The following BICC1 variants were observed in gnomAD, a reference collection of about 807,000 sequenced individuals.
BICC1 encodes protein bicaudal C homolog 1.
Under a neutral mutation model 111.0 loss-of-function variants are expected in BICC1, and 43 were observed. The observed-to-expected ratio is 0.39, with a 90% CI of 0.30 to 0.50. BICC1 has a LOEUF of 0.50. Among genes scored for constraint, BICC1 ranks in the 20% least tolerant of loss-of-function variants. The probability of loss-of-function intolerance (pLI) is 0.88; values close to 1 mark genes in which losing one functional copy is unlikely to be tolerated. For missense variants in BICC1, 1,091 were observed against 1,203.2 expected, an observed-to-expected ratio of 0.91 and a Z score of 1.38; for synonymous variants, 467 against 434.4, an observed-to-expected ratio of 1.07 and a Z score of -0.93.
chr10:58,636,097 G>C (rs911866011), intron 2 of BICC1, among the ~76,000 whole-genome samples: 5 of 152,176 alleles, frequency 3.3e-5, no homozygotes, highest in African/African-American at 1.2e-4. Context: ...CTAACACATT[G>C]TTCTGTGTAT....
rs3076358 is a variant in BICC1 at position 58,728,704 on chromosome 10, AAAT to A, written c.307+26578_307+26580del. Among the ~76,000 whole-genome samples, 6 of 150,340 alleles carry A rather than the reference AAAT, an allele frequency of 4.0e-5. 1 individual carries two copies. Among genetic ancestry groups the A allele is most frequent in the East Asian group, 2.0e-4 (1 of 5,110 alleles). ...TATAGTCTTACAAAATGTATTTCTTAAATAATAATAATAATAATACTTGAAAGT... is the reference window on the plus strand; with the variant it reads ...TATAGTCTTACAAAATGTATTTCTTAAATAATAATAATAATACTTGAAAGT... On this transcript the variant is annotated intron_variant, in intron 3 of 20. Coordinates refer to ENST00000373886, the MANE Select transcript of BICC1 (RefSeq NM_001080512.3).
chr10:58,519,739 C>A (rs1276179245), intron 1 of BICC1, among the ~76,000 whole-genome samples: 4 of 152,102 alleles, frequency 2.6e-5, no homozygotes, highest in East Asian at 1.9e-4. Context: ...CAACTCTGAT[C>A]ATCTAAAGCT....
At chr10:58,763,976 A>C (rs1041647038) in intron 3 of BICC1, among the ~76,000 whole-genome samples, 4 of 152,124 alleles carry the variant, frequency 2.6e-5, no homozygotes, top group African/African-American at 9.7e-5. Context: ...AAGGAATATC[A>C]AATGAAGACT....
At chr10:58,571,385 AC>A (rs1208007920) in intron 1 of BICC1, among the ~76,000 whole-genome samples, 2 of 151,818 alleles carry the variant, frequency 1.3e-5, no homozygotes, top group Admixed American at 6.6e-5. Flanking sequence ...CAGGTTTGTT[AC>A]ATAGGTAAAC....
chr10:58,619,575 A>T (rs1049752279), intron 1 of BICC1, among the ~76,000 whole-genome samples: 2 of 151,392 alleles, frequency 1.3e-5, no homozygotes, highest in African/African-American at 4.9e-5. Context: ...CCCGGGTTCA[A>T]GCAATTCTCC....
chr10:58,685,742 T>G (rs548988999), intron 2 of BICC1, among the ~76,000 whole-genome samples: 1 of 152,326 alleles, frequency 6.6e-6, no homozygotes, highest in Admixed American at 6.5e-5. Flanking sequence ...CATCCCTTTA[T>G]TTTGAGCCTA....
intron 2 of BICC1, among the ~76,000 whole-genome samples, chr10:58,634,436 A>G (rs1837893815): frequency 6.6e-6 from 1 of 152,152 alleles, no homozygotes; most frequent in African/African-American, 2.4e-5. Flanking sequence ...TGTCTGAGGA[A>G]CTTTTAAAAA....
In BICC1 at chr10:58,629,099, G is replaced by A. The variant is rs563656563; in HGVS notation, c.237+8198G>A. On this transcript the variant is annotated intron_variant, in intron 2 of 20. Coordinates refer to ENST00000373886, the MANE Select transcript of BICC1 (RefSeq NM_001080512.3). ...CTTTTTTCTTCTCTCTGGACTCCTT[G>A]AGTTAGCTGGGGGAAAGGACTCAGC... 7.2e-5 allele frequency among the ~76,000 whole-genome samples: 11 copies of A among 152,204 alleles called. 1 individual carries two copies. The highest frequency in any genetic ancestry group is 7.2e-4 in the Admixed American group (11 of 15,292).
At chr10:58,559,252 A>G (rs1843540497) in intron 1 of BICC1, among the ~76,000 whole-genome samples, 1 of 152,116 alleles carries the variant, frequency 6.6e-6, no homozygotes, top group African/African-American at 2.4e-5. Flanking sequence ...AAATACTAAA[A>G]TTAAAGTTGT....
rs187722648 is a variant in BICC1 at position 58,632,982 on chromosome 10, G to T, written c.237+12081G>T. On this transcript the variant is annotated intron_variant, in intron 2 of 20. Transcript: ENST00000373886. ...AATCTAAAAGTTAGGAGATCATATT[G>T]TTTCTATTCATTATTGATATGGTTT... 2.1e-3 allele frequency among the ~76,000 whole-genome samples: 319 copies of T among 152,264 alleles called. 1 individual carries two copies. Among genetic ancestry groups the T allele is most frequent in the Non-Finnish European group, 2.8e-3 (190 of 68,012 alleles).
intron 8 of BICC1, 73 bp downstream of exon 8, chr10:58,790,006 G>GT: frequency 6.7e-7 from 1 of 1,499,374 alleles, no homozygotes; most frequent in South Asian, 1.3e-5. Flanking sequence ...TCCATCCACT[G>GT]TACTAATGTG....
chr10:58,600,524 A>T (rs193045124), intron 1 of BICC1, among the ~76,000 whole-genome samples: 1 of 152,294 alleles, frequency 6.6e-6, no homozygotes, highest in East Asian at 1.9e-4. Flanking sequence ...TTAAACTTAA[A>T]ATATCCTTTG....
At chr10:58,651,851 G>T (rs1232795697) in intron 2 of BICC1, among the ~76,000 whole-genome samples, 2 of 152,112 alleles carry the variant, frequency 1.3e-5, no homozygotes, top group Non-Finnish European at 2.9e-5. Context: ...TTGAGATCTT[G>T]TTGTAAGCTT....
intron 1 of BICC1, among the ~76,000 whole-genome samples, chr10:58,610,977 G>T (rs1845398725): frequency 6.6e-6 from 1 of 152,124 alleles, no homozygotes; most frequent in African/African-American, 2.4e-5. Context: ...GTTGGTTAAA[G>T]CCTAAGATCT....
chr10:58,796,934 G>C (rs1843373862), intron 10 of BICC1, among the ~76,000 whole-genome samples: 1 of 151,558 alleles, frequency 6.6e-6, no homozygotes, highest in African/African-American at 2.4e-5. Context: ...TGTATGAGGG[G>C]TGGGGAGGGG....
intron 1 of BICC1, among the ~76,000 whole-genome samples, chr10:58,514,743 A>C (rs1842195828): frequency 6.6e-6 from 1 of 152,206 alleles, no homozygotes; most frequent in Admixed American, 6.5e-5. Flanking sequence ...TCTTCAAGTA[A>C]GACCGTTATA....
chr10:58,635,513 A>C (rs1837927736), intron 2 of BICC1, among the ~76,000 whole-genome samples: 1 of 152,226 alleles, frequency 6.6e-6, no homozygotes, highest in Non-Finnish European at 1.5e-5. Context: ...AAAGTTCCTC[A>C]GTGAGCCTTA....
intron 3 of BICC1, among the ~76,000 whole-genome samples, chr10:58,781,809 A>C (rs1842891528): frequency 6.6e-6 from 1 of 152,194 alleles, no homozygotes. Flanking sequence ...AACCTGGAAA[A>C]AAGGACACAT....
chr10:58,785,697 C>T (rs1417264221), intron 4 of BICC1, among the ~76,000 whole-genome samples: 4 of 152,180 alleles, frequency 2.6e-5, no homozygotes, highest in Non-Finnish European at 4.4e-5. Flanking sequence ...CCAGGCACTT[C>T]GCTAAGTACT....
Sources: gnomAD v4.1 joint callset for allele counts (sites outside exome capture counted in the v4.1 genomes callset) on GRCh38, gnomAD v4.1.1 for gene constraint, MANE v1.5 for transcripts, NCBI Gene and HGNC (gene_info 2026-07-23, HGNC 2026-07-21) for gene names.